CHODL: variants seen among roughly 807,000 people sequenced by gnomAD.
CHODL encodes chondrolectin.
CHODL carries 29 observed loss-of-function variants against 34.5 expected under a neutral mutation model. That is an observed-to-expected ratio of 0.84 (90% CI 0.63 to 1.15). CHODL has a LOEUF of 1.15. CHODL is among the 50% of genes most tolerant of loss of function. The pLI is 0.00. For synonymous variants in CHODL, 125 were observed against 116.1 expected, an observed-to-expected ratio of 1.08 and a Z score of -0.49; for missense variants, 332 against 332.5, an observed-to-expected ratio of 1.00 and a Z score of 0.01.
chr21:18,240,774 A>C (rs2074074067), upstream of CHODL, among the ~76,000 whole-genome samples: 1 of 152,166 alleles, frequency 6.6e-6, no homozygotes. Flanking sequence ...TTAAACATGC[A>C]CATATATTTA....
chr21:18,257,219 T>C (rs2074328946), intron 3 of CHODL, 92 bp downstream of exon 3: 1 of 1,203,742 alleles, frequency 8.3e-7, no homozygotes, highest in Admixed American at 2.4e-5. Context: ...TGGCTCTTTT[T>C]GTTTTTCTGC....
intron 1 of CHODL, among the ~76,000 whole-genome samples, chr21:17,981,343 A>G (rs2063712425): frequency 6.6e-6 from 1 of 152,188 alleles, no homozygotes; most frequent in African/African-American, 2.4e-5. Context: ...ACAGCTTTAA[A>G]CAAAGAACTG....
At chr21:18,149,050 G>A (rs963464248) in intron 2 of CHODL, among the ~76,000 whole-genome samples, 5 of 151,968 alleles carry the variant, frequency 3.3e-5, no homozygotes, top group African/African-American at 1.2e-4. Context: ...TGAACATTCT[G>A]TTTGAATTTG....
chr21:18,152,004 G>A (rs1037399567), intron 2 of CHODL, among the ~76,000 whole-genome samples: 3 of 151,630 alleles, frequency 2.0e-5, no homozygotes, highest in Non-Finnish European at 4.4e-5. Flanking sequence ...GTGTGTGTGT[G>A]TGTGTGTGTG....
At chr21:18,058,612 T>G (rs1416034267) in intron 2 of CHODL, among the ~76,000 whole-genome samples, 3 of 152,128 alleles carry the variant, frequency 2.0e-5, no homozygotes, top group Non-Finnish European at 4.4e-5. Flanking sequence ...TACCACAAGT[T>G]CTCACTCATA....
At chr21:18,167,215 G>C (rs7281465) in intron 2 of CHODL, among the ~76,000 whole-genome samples, 1,996 of 103,134 alleles carry the variant, frequency 0.019, 32 homozygotes, top group African/African-American at 0.064. Context: ...CTCTCTCTGT[G>C]TGTGTGTGTG....
chr21:17,997,252 G>C (rs2063858677), intron 1 of CHODL, among the ~76,000 whole-genome samples: 1 of 152,184 alleles, frequency 6.6e-6, no homozygotes, highest in Non-Finnish European at 1.5e-5. Flanking sequence ...TTAATATAAA[G>C]TCAAAGCTGC....
At chr21:17,999,559 C>T (rs1483433178) in intron 1 of CHODL, among the ~76,000 whole-genome samples, 7 of 152,178 alleles carry the variant, frequency 4.6e-5, no homozygotes, top group East Asian at 3.8e-4. Flanking sequence ...CTGGCGATGC[C>T]TCACAATCAT....
chr21:18,146,845 C>G (rs1206356564), intron 2 of CHODL, among the ~76,000 whole-genome samples: 1 of 152,162 alleles, frequency 6.6e-6, no homozygotes, highest in Non-Finnish European at 1.5e-5. Flanking sequence ...CCCATAAAAA[C>G]TATTTCCAGC....
chr21:18,028,303 C>CTTCT (rs2064205929), intron 2 of CHODL, among the ~76,000 whole-genome samples: 4 of 139,176 alleles, frequency 2.9e-5, no homozygotes, highest in Non-Finnish European at 4.6e-5. Flanking sequence ...TCCTTCCTTC[C>CTTCT]TTCCTTCCTT....
intron 2 of CHODL, among the ~76,000 whole-genome samples, chr21:18,213,052 A>G (rs1293810937): frequency 2.6e-5 from 4 of 152,246 alleles, no homozygotes; most frequent in African/African-American, 7.2e-5. Flanking sequence ...GTTTTCGAAG[A>G]AGTTAGGTAA....
At chr21:17,985,565 G>C (rs1277695697) in intron 1 of CHODL, among the ~76,000 whole-genome samples, 3 of 152,166 alleles carry the variant, frequency 2.0e-5, no homozygotes, top group Non-Finnish European at 4.4e-5. Flanking sequence ...TAGTTCCTGA[G>C]ATAACTTGTT....
chr21:18,257,719 T>C (rs1258602852), intron 3 of CHODL, among the ~76,000 whole-genome samples: 2 of 152,212 alleles, frequency 1.3e-5, no homozygotes, highest in African/African-American at 4.8e-5. Flanking sequence ...TAGCTTTCTT[T>C]TGAAATCTCC....
At chr21:17,987,571 C>T (rs1212944401) in intron 1 of CHODL, among the ~76,000 whole-genome samples, 1 of 152,050 alleles carries the variant, frequency 6.6e-6, no homozygotes, top group African/African-American at 2.4e-5. Context: ...TCATTTTGTC[C>T]TCATCTCCTA....
intron 2 of CHODL, among the ~76,000 whole-genome samples, chr21:18,153,463 T>A (rs1018071323): frequency 6.6e-6 from 1 of 152,208 alleles, no homozygotes; most frequent in African/African-American, 2.4e-5. Flanking sequence ...CAAATATCTT[T>A]GACCTCCCTT....
At chr21:17,997,795 C>G (rs1167820975) in intron 1 of CHODL, among the ~76,000 whole-genome samples, 1 of 152,210 alleles carries the variant, frequency 6.6e-6, no homozygotes, top group Non-Finnish European at 1.5e-5. Context: ...TCAATTATCT[C>G]CCCCACCCCT....
At chr21:18,183,849 T>C (rs2073410006) in intron 2 of CHODL, among the ~76,000 whole-genome samples, 1 of 152,198 alleles carries the variant, frequency 6.6e-6, no homozygotes, top group East Asian at 1.9e-4. Flanking sequence ...TTGAATGTTG[T>C]GGTGATCTGT....
chr21:18,145,951 T>C (rs1418537441), intron 2 of CHODL, among the ~76,000 whole-genome samples: 1 of 150,728 alleles, frequency 6.6e-6, no homozygotes, highest in Non-Finnish European at 1.5e-5. Flanking sequence ...GTTTATTTTT[T>C]GGTTTTGTTT....
rs1299874181 is a variant in CHODL at position 17,955,102 on chromosome 21, A to G, written c.-145+37702A>G. Reference sequence around the variant, plus strand: ...TTCAGTGTCTGGTGAGAGCATGTCCATTAAGGTGTTCTAAGCAAAAGAGCA... The same window carrying G: ...TTCAGTGTCTGGTGAGAGCATGTCCGTTAAGGTGTTCTAAGCAAAAGAGCA... On this transcript the variant is annotated intron_variant, in intron 1 of 6. Transcript: ENST00000400127. Among the ~76,000 whole-genome samples the G allele has an allele frequency of 1.5e-5, 2 of 135,114 alleles. 1 individual carries two copies. Among genetic ancestry groups the G allele is most frequent in the Non-Finnish European group, 3.3e-5 (2 of 59,868 alleles). The allele number at this position is 135,114 out of a possible 152,430, so 88.6% of individuals were successfully genotyped here. A position where few individuals can be genotyped will look rare whatever the true frequency, so the allele number is the denominator to read the frequency against.
Sources: gnomAD v4.1 joint callset for allele counts (sites outside exome capture counted in the v4.1 genomes callset) on GRCh38, gnomAD v4.1.1 for gene constraint, MANE v1.5 for transcripts, NCBI Gene and HGNC (gene_info 2026-07-23, HGNC 2026-07-21) for gene names.